The following KLHL2 variants were observed in gnomAD, a reference collection of about 807,000 sequenced individuals.
The protein encoded by KLHL2 is kelch-like protein 2.
A neutral mutation model predicts 75.8 loss-of-function variants in KLHL2; 15 were observed. That is an observed-to-expected ratio of 0.20 (90% CI 0.13 to 0.30). The LOEUF is 0.30. KLHL2 is among the 10% of genes least tolerant of loss of function. The pLI, the probability that KLHL2 is intolerant of heterozygous loss-of-function variation, is 1.00. For synonymous variants in KLHL2, 214 were observed against 251.9 expected (o/e 0.85, Z 1.42); for missense variants, 381 against 741.0 (o/e 0.51, Z 5.64).
intron 1 of KLHL2, among the ~76,000 whole-genome samples, chr4:165,218,136 C>T (rs531891221): frequency 3.2e-4 from 49 of 152,300 alleles, no homozygotes; most frequent in Admixed American, 5.9e-4. Flanking sequence ...TTGTAATATC[C>T]TGCTAAATAG....
intron 2 of KLHL2, among the ~76,000 whole-genome samples, chr4:165,225,801 CA>C: frequency 1.3e-5 from 2 of 152,234 alleles, no homozygotes; most frequent in East Asian, 3.9e-4. Context: ...TTACTGAAGA[CA>C]AATAAAAAAT....
chr4:165,318,030 A>G, intron 14 of KLHL2, 61 bp downstream of exon 14: 1 of 1,480,254 alleles, frequency 6.8e-7, no homozygotes, highest in Non-Finnish European at 9.3e-7. Flanking sequence ...TGAATGTTAT[A>G]TTAACGAAGT....
chr4:165,283,493 A>T (rs1743849156), intron 5 of KLHL2, among the ~76,000 whole-genome samples: 1 of 152,258 alleles, frequency 6.6e-6, no homozygotes, highest in African/African-American at 2.4e-5. Context: ...TGGGGCAGTC[A>T]AATCTTAAAG....
intron 4 of KLHL2, among the ~76,000 whole-genome samples, chr4:165,253,048 T>C (rs544315105): frequency 1.4e-4 from 21 of 152,362 alleles, no homozygotes; most frequent in African/African-American, 4.6e-4. Context: ...TTTTATTTTT[T>C]TGAGACGGAG....
intron 2 of KLHL2, among the ~76,000 whole-genome samples, chr4:165,225,254 A>T (rs1315091233): frequency 6.6e-6 from 1 of 152,178 alleles, no homozygotes; most frequent in Non-Finnish European, 1.5e-5. Flanking sequence ...GGTTGGGCCT[A>T]GCTTCTCCTG....
chr4:165,264,341 A>G (rs1240849934), intron 5 of KLHL2, among the ~76,000 whole-genome samples: 1 of 151,548 alleles, frequency 6.6e-6, no homozygotes, highest in Non-Finnish European at 1.5e-5. Flanking sequence ...ATTGTACTCT[A>G]ATCGGTAGTT....
At chr4:165,229,970 A>G (rs1002400534) in intron 3 of KLHL2, among the ~76,000 whole-genome samples, 17 of 152,280 alleles carry the variant, frequency 1.1e-4, no homozygotes, top group Non-Finnish European at 2.2e-4. Flanking sequence ...CTCTTCCAGA[A>G]CAGAGTTAAA....
chr4:165,302,527 A>C (rs557823083), intron 8 of KLHL2, among the ~76,000 whole-genome samples: 10 of 152,288 alleles, frequency 6.6e-5, no homozygotes, highest in Admixed American at 5.9e-4. Context: ...GATTCTTTTC[A>C]TATCTCAGAC....
intron 2 of KLHL2, among the ~76,000 whole-genome samples, chr4:165,226,575 A>C (rs1738456034): frequency 1.3e-5 from 2 of 152,122 alleles, no homozygotes; most frequent in African/African-American, 2.4e-5. Context: ...TCTTAAGGGC[A>C]GAGATGGTCT....
chr4:165,222,264 T>C (rs1299442550), intron 2 of KLHL2, among the ~76,000 whole-genome samples: 1 of 152,178 alleles, frequency 6.6e-6, no homozygotes, highest in Non-Finnish European at 1.5e-5. Flanking sequence ...TGTCTAAGGT[T>C]CAGTGCTGCT....
chr4:165,283,492 C>G (rs189760320), intron 5 of KLHL2, among the ~76,000 whole-genome samples: 264 of 152,318 alleles, frequency 1.7e-3, no homozygotes, highest in Admixed American at 3.3e-3. Context: ...GTGGGGCAGT[C>G]AAATCTTAAA....
intron 8 of KLHL2, 106 bp from the exon 9 acceptor site, chr4:165,305,502 A>G: frequency 5.6e-6 from 5 of 885,078 alleles, no homozygotes; most frequent in Non-Finnish European, 3.7e-6. Context: ...AGCTCACCCT[A>G]TCATCTTCAT....
chr4:165,211,966 A>G (rs1737226290), intron 1 of KLHL2, among the ~76,000 whole-genome samples: 1 of 152,194 alleles, frequency 6.6e-6, no homozygotes, highest in Admixed American at 6.5e-5. Flanking sequence ...TTACGGATTT[A>G]CACTAGTAGT....
At chr4:165,249,681 A>G (rs1740536860) in intron 4 of KLHL2, among the ~76,000 whole-genome samples, 3 of 152,142 alleles carry the variant, frequency 2.0e-5, no homozygotes, top group Admixed American at 6.5e-5. Flanking sequence ...GTCCCCAAGC[A>G]CTTGAGGATG....
At chr4:165,258,245 C>G (rs1264671604) in intron 4 of KLHL2, among the ~76,000 whole-genome samples, 1 of 151,952 alleles carries the variant, frequency 6.6e-6, no homozygotes, top group Non-Finnish European at 1.5e-5. Flanking sequence ...AAATATATAT[C>G]AAATTATAAT....
chr4:165,262,206 A>G (rs555620502), intron 4 of KLHL2, among the ~76,000 whole-genome samples: 671 of 152,372 alleles, frequency 4.4e-3, no homozygotes, highest in Non-Finnish European at 6.8e-3. Context: ...AGAATAACCT[A>G]TAATTAATAT....
intron 4 of KLHL2, among the ~76,000 whole-genome samples, chr4:165,256,032 T>A (rs1488621819): frequency 2.0e-5 from 3 of 151,406 alleles, no homozygotes; most frequent in Non-Finnish European, 4.4e-5. Context: ...GCAGAAGGAG[T>A]ATACTTGTCT....
At chr4:165,299,856 G>T (rs537672736) in intron 8 of KLHL2, among the ~76,000 whole-genome samples, 200 bp downstream of exon 8, 1 of 152,086 alleles carries the variant, frequency 6.6e-6, no homozygotes, top group Admixed American at 6.5e-5. Context: ...TCTTTGGTCC[G>T]TTTAATTTTT....
At chr4:165,293,493 GTC>G (rs2126487632) in intron 5 of KLHL2, among the ~76,000 whole-genome samples, 1 of 150,688 alleles carries the variant, frequency 6.6e-6, no homozygotes, top group Admixed American at 6.6e-5. Flanking sequence ...AACCAATTCT[GTC>G]TCTCTTTTTT....
Sources: gnomAD v4.1 joint callset for allele counts (sites outside exome capture counted in the v4.1 genomes callset) on GRCh38, gnomAD v4.1.1 for gene constraint, MANE v1.5 for transcripts, NCBI Gene and HGNC (gene_info 2026-07-23, HGNC 2026-07-21) for gene names.